Variants in CAST observed in about 807,000 individuals in gnomAD.
CAST encodes calpastatin.
Under a neutral mutation model 119.6 loss-of-function variants are expected in CAST, and 76 were observed. The ratio of observed to expected loss-of-function variants is 0.64; its 90% CI spans 0.53 to 0.77. CAST has a LOEUF of 0.77. Among genes scored for constraint, CAST ranks in the 30% least tolerant of loss-of-function variants. The pLI is 0.00. For synonymous variants in CAST, 319 were observed against 331.6 expected (o/e 0.96, Z 0.41); for missense variants, 953 against 946.5 (o/e 1.01, Z -0.09).
chr5:96,658,603 A>C (rs530224462), upstream of CAST, among the ~76,000 whole-genome samples: 1 of 152,244 alleles, frequency 6.6e-6, no homozygotes, highest in Non-Finnish European at 1.5e-5. Flanking sequence ...AAGAACATTC[A>C]GGGGTTTTGA....
chr5:96,129,092 T>C, the CAST span, among the ~76,000 whole-genome samples: 1 of 152,092 alleles, frequency 6.6e-6, no homozygotes, highest in African/African-American at 2.4e-5. Flanking sequence ...AGAGACCATG[T>C]CCATTTTGCA....
the CAST span, chr5:95,961,678 T>C: frequency 4.4e-6 from 7 of 1,606,912 alleles, no homozygotes; most frequent in Admixed American, 3.4e-5. Flanking sequence ...CGACAGCCCA[T>C]AGCGCTGCTC....
At chr5:96,475,419 C>T in the CAST span, among the ~76,000 whole-genome samples, 1 of 152,196 alleles carries the variant, frequency 6.6e-6, no homozygotes, top group Non-Finnish European at 1.5e-5. Context: ...TAAATAATGA[C>T]AATCTCTGAA....
At chr5:96,486,535 A>G in the CAST span, among the ~76,000 whole-genome samples, 1 of 152,208 alleles carries the variant, frequency 6.6e-6, no homozygotes, top group African/African-American at 2.4e-5. Flanking sequence ...TGTTATCCTT[A>G]GAACACTAAG....
chr5:96,520,133 A>G, the CAST span, among the ~76,000 whole-genome samples: 1 of 152,162 alleles, frequency 6.6e-6, no homozygotes, highest in African/African-American at 2.4e-5. Context: ...CCTCAAAACC[A>G]TTCCCTTTTT....
upstream of CAST, among the ~76,000 whole-genome samples, chr5:96,520,935 A>G (rs1272249978): frequency 3.3e-5 from 5 of 152,188 alleles, no homozygotes; most frequent in Non-Finnish European, 5.9e-5. Context: ...CAGGAGCTCT[A>G]TTAAAATTCC....
chr5:96,099,346 G>A, the CAST span, among the ~76,000 whole-genome samples: 3 of 151,966 alleles, frequency 2.0e-5, no homozygotes, highest in Non-Finnish European at 4.4e-5. Context: ...CTCTGGCCAG[G>A]ACTTCCAATA....
intron 3 of CAST, among the ~76,000 whole-genome samples, chr5:96,713,083 G>A (rs1053149922): frequency 2.6e-5 from 4 of 151,928 alleles, no homozygotes; most frequent in Non-Finnish European, 4.4e-5. Flanking sequence ...AATGCACTAT[G>A]GAAGTAGAAA....
intron 2 of CAST, among the ~76,000 whole-genome samples, chr5:96,689,289 G>A (rs959129258): frequency 6.6e-6 from 1 of 152,142 alleles, no homozygotes; most frequent in African/African-American, 2.4e-5. Context: ...TATTTAGGAG[G>A]CACTATGTTA....
the CAST span, among the ~76,000 whole-genome samples, chr5:96,369,035 C>G: frequency 6.6e-6 from 1 of 151,914 alleles, no homozygotes; most frequent in Non-Finnish European, 1.5e-5. Context: ...ATAATCGCTT[C>G]AATTATTTAA....
the CAST span, among the ~76,000 whole-genome samples, chr5:96,174,728 A>C: frequency 6.6e-6 from 1 of 152,228 alleles, no homozygotes; most frequent in Admixed American, 6.5e-5. Context: ...TTTTCTAACC[A>C]ATCAAAATAA....
chr5:96,049,889 CAAAA>C, the CAST span, among the ~76,000 whole-genome samples: 854 of 34,088 alleles, frequency 0.025, 2 homozygotes, highest in African/African-American at 0.079. Context: ...GAACAGGAGG[CAAAA>C]AAAAAAAAAA....
chr5:96,536,040 T>G (rs1047916997), intron 1 of CAST, among the ~76,000 whole-genome samples: 1,701 of 148,366 alleles, frequency 0.011, 16 homozygotes, highest in Non-Finnish European at 0.019. Context: ...GGTTTTTTTT[T>G]TTTTTTTTTT....
the CAST span, among the ~76,000 whole-genome samples, chr5:96,444,436 C>G: frequency 6.6e-6 from 1 of 152,196 alleles, no homozygotes; most frequent in Non-Finnish European, 1.5e-5. Context: ...CATTTTATCT[C>G]AAGCTGTACA....
At chr5:96,460,794 C>T in the CAST span, among the ~76,000 whole-genome samples, 2 of 152,086 alleles carry the variant, frequency 1.3e-5, no homozygotes, top group African/African-American at 4.8e-5. Context: ...AATATGTGAA[C>T]ATATTAAACA....
At chr5:96,344,458 A>C in the CAST span, among the ~76,000 whole-genome samples, 4 of 152,194 alleles carry the variant, frequency 2.6e-5, no homozygotes, top group Non-Finnish European at 4.4e-5. Context: ...TGTGAGAAGC[A>C]AATTCACACA....
chr5:96,506,076 T>G, the CAST span, among the ~76,000 whole-genome samples: 1 of 152,246 alleles, frequency 6.6e-6, no homozygotes, highest in South Asian at 2.1e-4. Flanking sequence ...TTTCTAGTTT[T>G]CCATTTTTCC....
intron 3 of CAST, among the ~76,000 whole-genome samples, chr5:96,709,173 T>C (rs1581062753): frequency 6.6e-6 from 1 of 152,238 alleles, no homozygotes; most frequent in South Asian, 2.1e-4. Context: ...ATTTTTACAC[T>C]CATGGCTCCA....
At chr5:96,346,794 G>A in the CAST span, among the ~76,000 whole-genome samples, 4 of 152,102 alleles carry the variant, frequency 2.6e-5, no homozygotes. Flanking sequence ...TCTGTCATAA[G>A]TTGGCTTCCT....
Sources: allele counts gnomAD v4.1 joint callset (sites outside exome capture counted in the v4.1 genomes callset), GRCh38; gene constraint gnomAD v4.1.1; transcripts MANE v1.5; gene names NCBI Gene and HGNC (gene_info 2026-07-23, HGNC 2026-07-21).